TBC1D30: variants seen among roughly 807,000 people sequenced by gnomAD.
TBC1D30 encodes the protein TBC1 domain family member 30.
Under a neutral mutation model 63.2 loss-of-function variants are expected in TBC1D30, and 31 were observed. The ratio of observed to expected loss-of-function variants is 0.49; its 90% CI spans 0.37 to 0.66. The LOEUF (loss-of-function observed/expected upper bound fraction) is 0.66, where lower values mean the gene tolerates loss of function less well. TBC1D30 is among the 30% of genes least tolerant of loss of function. The pLI is 0.00. For synonymous variants in TBC1D30, 307 were observed against 361.5 expected (o/e 0.85, Z 1.71); for missense variants, 810 against 953.6 (o/e 0.85, Z 1.98).
rs1432800081 is a variant in TBC1D30 at position 64,796,432 on chromosome 12, A to C, written c.643+10387A>C. ...AACTATATATACAGCCAGCAGGGGG[A>C]GCTCCTTCCCTTAAGCTTACGTGAG... On this transcript the variant is annotated intron_variant, in intron 2 of 12. Coordinates refer to the TBC1D30 transcript ENST00000542120. 5.3e-5 allele frequency among the ~76,000 whole-genome samples: 8 copies of C among 151,846 alleles called. No individual in the cohort carries two copies. In the East Asian group the frequency reaches 1.5e-3, roughly 29 times the overall value.
intron 2 of TBC1D30, among the ~76,000 whole-genome samples, chr12:64,793,557 G>GCTACTCCT (rs1241704020): frequency 3.3e-5 from 5 of 152,026 alleles, no homozygotes; most frequent in African/African-American, 1.2e-4. Context: ...CTACTCTGGA[G>GCTACTCCT]GCTGAGGCAG....
At chr12:64,815,202 T>A (rs564406399) in intron 2 of TBC1D30, among the ~76,000 whole-genome samples, 2 of 152,364 alleles carry the variant, frequency 1.3e-5, no homozygotes, top group South Asian at 2.1e-4. Context: ...GTCAATTTTT[T>A]AATATTGACT....
At chr12:64,862,256 A>G (rs1405478781) in intron 8 of TBC1D30, among the ~76,000 whole-genome samples, 1 of 152,176 alleles carries the variant, frequency 6.6e-6, no homozygotes, top group African/African-American at 2.4e-5. Flanking sequence ...TGTGCCAGGG[A>G]TGCTTATGCT....
chr12:64,824,745 G>A lies in TBC1D30; in HGVS notation c.-135G>A. On this transcript the variant is annotated 5_prime_UTR_variant, in exon 1 of 12. Coordinates refer to ENST00000539867, the MANE Select transcript of TBC1D30 (RefSeq NM_015279.2). ...TCCCCGTGACCCTCCAGCACCAGCCGGCTGTGCGCTCCCTGCTCCCACGGG... is the reference window on the plus strand; with the variant it reads ...TCCCCGTGACCCTCCAGCACCAGCCAGCTGTGCGCTCCCTGCTCCCACGGG... The A allele has an allele frequency of 8.0e-7, 1 of 1,256,314 alleles. No homozygotes were observed. The highest frequency in any genetic ancestry group is 1.1e-6 in the Non-Finnish European group (1 of 940,092). The allele number at this position is 1,256,314 out of a possible 1,614,324, so 77.8% of individuals were successfully genotyped here.
At chr12:64,843,331 AGC>A (rs1876065412) in intron 7 of TBC1D30, 47 bp from the exon 8 acceptor site, 1 of 1,468,534 alleles carries the variant, frequency 6.8e-7, no homozygotes, top group Admixed American at 2.0e-5. Context: ...ACTGTTACAC[AGC>A]ATGGATGCCC....
intron 9 of TBC1D30, among the ~76,000 whole-genome samples, chr12:64,866,006 A>G (rs1046563701): frequency 6.6e-6 from 1 of 151,982 alleles, no homozygotes; most frequent in African/African-American, 2.4e-5. Context: ...AGTAGCTGGG[A>G]CCACAGGCAC....
At position 64,798,529 on chromosome 12, in the gene TBC1D30, G is replaced by A. The variant is rs2136312677; in HGVS notation, c.643+12484G>A. On this transcript the variant is annotated intron_variant, in intron 2 of 12. Coordinates refer to the TBC1D30 transcript ENST00000542120. ...GCTGACATAGGAGAATTTCAGGCAA[G>A]TCAAGGCTGATTTGATATTCTCAAG... Among the ~76,000 whole-genome samples, 2 of 152,326 alleles carry A rather than the reference G, an allele frequency of 1.3e-5. 1 individual carries two copies. The highest frequency in any genetic ancestry group is 4.1e-4 in the South Asian group (2 of 4,830).
intron 1 of TBC1D30, among the ~76,000 whole-genome samples, chr12:64,784,870 T>A (rs1336720319): frequency 2.7e-5 from 4 of 147,992 alleles, no homozygotes; most frequent in Non-Finnish European, 1.5e-5. Flanking sequence ...TAAAATAAAG[T>A]AAAAAAAAAA....
At chr12:64,794,936 T>G (rs150073825) in intron 2 of TBC1D30, among the ~76,000 whole-genome samples, 110 of 152,316 alleles carry the variant, frequency 7.2e-4, no homozygotes, top group African/African-American at 2.5e-3. Flanking sequence ...GATATTATGA[T>G]AGAGACTAAA....
intron 8 of TBC1D30, among the ~76,000 whole-genome samples, chr12:64,847,658 ATTG>A (rs1244880104): frequency 5.4e-5 from 8 of 148,340 alleles, no homozygotes. Flanking sequence ...TCAAGAGCAT[ATTG>A]TTTAATTTGT....
intron 2 of TBC1D30, among the ~76,000 whole-genome samples, chr12:64,808,519 C>T (rs1873017691): frequency 6.6e-6 from 1 of 152,198 alleles, no homozygotes; most frequent in Admixed American, 6.5e-5. Context: ...GAGAGACATA[C>T]TGAAAATTGC....
At chr12:64,874,048 A>T (rs191653056) in intron 11 of TBC1D30, among the ~76,000 whole-genome samples, 1 of 152,328 alleles carries the variant, frequency 6.6e-6, no homozygotes, top group African/African-American at 2.4e-5. Flanking sequence ...CAGGTGGTCA[A>T]TGATAATGCC....
chr12:64,801,235 C>A (rs369854798), intron 2 of TBC1D30, among the ~76,000 whole-genome samples: 6 of 152,298 alleles, frequency 3.9e-5, no homozygotes, highest in East Asian at 3.9e-4. Context: ...TACACAGCTT[C>A]ATTACAGTAG....
intron 1 of TBC1D30, among the ~76,000 whole-genome samples, chr12:64,759,990 C>G (rs1870438841): frequency 6.6e-6 from 1 of 152,178 alleles, no homozygotes; most frequent in African/African-American, 2.4e-5. Context: ...GGTTAGCTCT[C>G]TTAACTCCAA....
chr12:64,849,559 G>A (rs532358536), intron 8 of TBC1D30, among the ~76,000 whole-genome samples: 1 of 152,230 alleles, frequency 6.6e-6, no homozygotes, highest in South Asian at 2.1e-4. Flanking sequence ...TTTGTGTCAG[G>A]TTTTTCAAAG....
At chr12:64,874,062 G>A (rs776992592) in intron 11 of TBC1D30, among the ~76,000 whole-genome samples, 4 of 152,292 alleles carry the variant, frequency 2.6e-5, no homozygotes, top group East Asian at 1.9e-4. Context: ...TAATGCCATC[G>A]ACAGTGCCTT....
intron 2 of TBC1D30, among the ~76,000 whole-genome samples, chr12:64,800,255 G>A (rs927431616): frequency 2.6e-5 from 4 of 152,216 alleles, no homozygotes; most frequent in African/African-American, 9.6e-5. Context: ...ACAATTGCTA[G>A]ATACAAAACT....
intron 7 of TBC1D30, among the ~76,000 whole-genome samples, chr12:64,842,387 A>G (rs537379064): frequency 2.6e-5 from 4 of 152,216 alleles, no homozygotes; most frequent in Admixed American, 1.3e-4. Flanking sequence ...AAATAAACAA[A>G]CAAAATGGAA....
chr12:64,874,909 C>A, intron 11 of TBC1D30, 92 bp from the exon 12 acceptor site: 1 of 1,214,874 alleles, frequency 8.2e-7, no homozygotes, highest in Non-Finnish European at 1.1e-6. Flanking sequence ...ATGTGGTAGA[C>A]GGGGCTGGGA....
Sources: allele counts gnomAD v4.1 joint callset (sites outside exome capture counted in the v4.1 genomes callset), GRCh38; gene constraint gnomAD v4.1.1; transcripts MANE v1.5; gene names NCBI Gene and HGNC (gene_info 2026-07-23, HGNC 2026-07-21).